SEMA5A: variants seen among roughly 807,000 people sequenced by gnomAD.
The protein encoded by SEMA5A is semaphorin 5A, also known as semaphorin-5A.
SEMA5A carries 55 observed loss-of-function variants against 135.5 expected under a neutral mutation model. The observed-to-expected ratio is 0.41, with a 90% CI of 0.33 to 0.51. SEMA5A has a LOEUF of 0.51. Ranked by LOEUF, SEMA5A falls within the 20% of genes least tolerant of loss-of-function variation. The probability of loss-of-function intolerance (pLI) is 0.37; values close to 1 mark genes in which losing one functional copy is unlikely to be tolerated. For synonymous variants in SEMA5A, 580 were observed against 546.5 expected (o/e 1.06, Z -0.85); for missense variants, 1,290 against 1,419.9 (o/e 0.91, Z 1.47).
intron 11 of SEMA5A, among the ~76,000 whole-genome samples, chr5:9,167,798 T>A (rs372667531): frequency 1.7e-4 from 26 of 152,298 alleles, no homozygotes; most frequent in African/African-American, 6.3e-4. Flanking sequence ...AAGCTTTCCT[T>A]GGTGTGATAT....
chr5:9,314,786 A>G (rs1248965672), intron 5 of SEMA5A, among the ~76,000 whole-genome samples: 1 of 152,122 alleles, frequency 6.6e-6, no homozygotes, highest in Admixed American at 6.6e-5. Flanking sequence ...ACAGCCACAT[A>G]ATATGAAAAA....
chr5:9,158,423 C>T (rs2619924), intron 11 of SEMA5A, among the ~76,000 whole-genome samples: 83,864 of 151,538 alleles, frequency 0.55, 25,868 homozygotes, highest in Middle Eastern at 0.77. Flanking sequence ...AATACTCTAA[C>T]CAAAGTTATT....
At chr5:9,382,940 A>G (rs1243671787) in intron 2 of SEMA5A, among the ~76,000 whole-genome samples, 1 of 152,220 alleles carries the variant, frequency 6.6e-6, no homozygotes, top group Admixed American at 6.5e-5. Context: ...AGGTAATGGC[A>G]CTGCAAATCA....
rs1244716717 is a variant in SEMA5A, at chr5:9,037,499, A to T, written c.*5398T>A. 6.6e-6 allele frequency: 1 copy of T among 152,242 alleles called. No homozygotes were observed. Among genetic ancestry groups the T allele is most frequent in the Non-Finnish European group, 1.5e-5 (1 of 68,046 alleles). 9.4% of individuals were successfully genotyped at this position (152,242 alleles called of 1,614,324 possible). ...TGTATCAAATTTCTGATAATGCAAC[A>T]GATGACCACTGAGTATATCTTTGAT... On this transcript the variant is annotated 3_prime_UTR_variant, in exon 23 of 23. Coordinates refer to ENST00000382496, the MANE Select transcript of SEMA5A (RefSeq NM_003966.3).
intron 8 of SEMA5A, 124 bp downstream of exon 8, chr5:9,224,549 CT>C: frequency 4.8e-6 from 4 of 836,300 alleles, no homozygotes; most frequent in Non-Finnish European, 7.7e-6. Context: ...ACAAGCGACA[CT>C]TTGATTTCTT....
rs540288559 is a variant in SEMA5A, at chr5:9,408,184, T to G, written c.-77-28161A>C. Among the ~76,000 whole-genome samples, 42 of 150,928 alleles carry G rather than the reference T, an allele frequency of 2.8e-4. 1 individual carries two copies. The highest frequency in any genetic ancestry group is 9.8e-4 in the African/African-American group (40 of 41,006). ...CCACCACCACAATCACCAACACCAC[T>G]GTTACCACCACCACCATCACCACCA... is the stretch of plus-strand genomic sequence containing the variant. On this transcript the variant is annotated intron_variant, in intron 2 of 22. Coordinates refer to ENST00000382496, the MANE Select transcript of SEMA5A (RefSeq NM_003966.3).
chr5:9,237,157 G>A (rs1294651009), intron 6 of SEMA5A, among the ~76,000 whole-genome samples: 2 of 152,260 alleles, frequency 1.3e-5, no homozygotes, highest in Admixed American at 1.3e-4. Flanking sequence ...ATAATACACA[G>A]TGAGCCTGTT....
intron 8 of SEMA5A, among the ~76,000 whole-genome samples, chr5:9,219,316 T>A (rs918964922): frequency 6.6e-6 from 1 of 151,974 alleles, no homozygotes; most frequent in Non-Finnish European, 1.5e-5. Context: ...GGACCTGGGG[T>A]TGAGTGGGTC....
intron 16 of SEMA5A, among the ~76,000 whole-genome samples, chr5:9,081,471 T>G (rs1738381309): frequency 6.6e-6 from 1 of 152,202 alleles, no homozygotes. Context: ...TAGATAGAGA[T>G]ATATACATCC....
intron 11 of SEMA5A, among the ~76,000 whole-genome samples, chr5:9,171,168 T>C (rs939760374): frequency 6.6e-6 from 1 of 152,172 alleles, no homozygotes; most frequent in African/African-American, 2.4e-5. Flanking sequence ...ACTCACACAA[T>C]TCTGTCCTTT....
At chr5:9,170,416 A>G (rs562660290) in intron 11 of SEMA5A, among the ~76,000 whole-genome samples, 13 of 152,288 alleles carry the variant, frequency 8.5e-5, no homozygotes, top group African/African-American at 3.1e-4. Context: ...ATGCAAATAT[A>G]TTAAGTCTAC....
chr5:9,289,870 C>T (rs1333531971), intron 5 of SEMA5A, among the ~76,000 whole-genome samples: 1 of 151,976 alleles, frequency 6.6e-6, no homozygotes. Flanking sequence ...TGAAACTTCC[C>T]TTTTGGGAGT....
chr5:9,281,096 G>A (rs1193338360), intron 5 of SEMA5A, among the ~76,000 whole-genome samples: 1 of 152,080 alleles, frequency 6.6e-6, no homozygotes, highest in Non-Finnish European at 1.5e-5. Context: ...GAATTAAGAT[G>A]AGTTATCAGA....
chr5:9,297,470 T>C (rs1408114061), intron 5 of SEMA5A, among the ~76,000 whole-genome samples: 1 of 152,220 alleles, frequency 6.6e-6, no homozygotes, highest in Non-Finnish European at 1.5e-5. Context: ...ACTATGTGTG[T>C]GCCCTCAGCA....
chr5:9,321,011 T>C (rs946906453), intron 4 of SEMA5A, among the ~76,000 whole-genome samples: 1 of 152,110 alleles, frequency 6.6e-6, no homozygotes, highest in African/African-American at 2.4e-5. Context: ...TCCCCATGTG[T>C]CCAGGGAGGG....
chr5:9,480,305 C>G (rs899862345), intron 1 of SEMA5A, among the ~76,000 whole-genome samples: 1 of 152,102 alleles, frequency 6.6e-6, no homozygotes, highest in African/African-American at 2.4e-5. Context: ...TCCCTGAATC[C>G]AAAGCTGTTT....
At chr5:9,456,992 C>T (rs192283533) in intron 1 of SEMA5A, among the ~76,000 whole-genome samples, 33 of 152,276 alleles carry the variant, frequency 2.2e-4, no homozygotes, top group African/African-American at 7.2e-4. Flanking sequence ...ACTAAAGCCT[C>T]TAAGACATTG....
chr5:9,234,189 T>G (rs1747784478), intron 6 of SEMA5A, among the ~76,000 whole-genome samples: 1 of 152,150 alleles, frequency 6.6e-6, no homozygotes, highest in African/African-American at 2.4e-5. Context: ...TCCTAGGAAC[T>G]GTCAAAATGG....
chr5:9,046,753 C>A (rs1736278047), intron 21 of SEMA5A, among the ~76,000 whole-genome samples: 2 of 152,202 alleles, frequency 1.3e-5, no homozygotes, highest in South Asian at 4.1e-4. Context: ...TTCCAGGAAC[C>A]CAGGACTTTG....
Sources: allele counts gnomAD v4.1 joint callset (sites outside exome capture counted in the v4.1 genomes callset), GRCh38; gene constraint gnomAD v4.1.1; transcripts MANE v1.5; gene names NCBI Gene and HGNC (gene_info 2026-07-23, HGNC 2026-07-21).